GRM7: variants seen among roughly 807,000 people sequenced by gnomAD.
GRM7 encodes metabotropic glutamate receptor 7.
Under a neutral mutation model 84.5 loss-of-function variants are expected in GRM7, and 35 were observed. The observed-to-expected ratio is 0.41, with a 90% CI of 0.32 to 0.55. The LOEUF is 0.55. GRM7 is among the 20% of genes least tolerant of loss of function. The pLI is 0.19. For missense variants in GRM7, 1,003 were observed against 1,194.6 expected, an observed-to-expected ratio of 0.84 and a Z score of 2.36; for synonymous variants, 487 against 455.1, an observed-to-expected ratio of 1.07 and a Z score of -0.89.
At position 7,283,960 on chromosome 3, in the gene GRM7, A is replaced by G. The variant is rs549783023; in HGVS notation, c.737-14724A>G. On this transcript the variant is annotated intron_variant, in intron 2 of 9. Coordinates refer to ENST00000357716, the MANE Select transcript of GRM7 (RefSeq NM_000844.4). ...CCAATTCAGAAGATTAGGTGTTTTA[A>G]TTAAAAGTGCTGTCTATAACTTTGC... 2.0e-5 allele frequency among the ~76,000 whole-genome samples: 3 copies of G among 152,324 alleles called. No homozygotes were observed. In the South Asian group the frequency reaches 6.2e-4, roughly 32 times the overall value.
chr3:7,109,624 G>T (rs1403863325), intron 1 of GRM7, among the ~76,000 whole-genome samples: 1 of 151,992 alleles, frequency 6.6e-6, no homozygotes, highest in African/African-American at 2.4e-5. Context: ...CCATTGTTCC[G>T]GTCCAGCATG....
At chr3:7,652,279 T>C (rs73121874) in intron 8 of GRM7, among the ~76,000 whole-genome samples, 2,559 of 152,266 alleles carry the variant, frequency 0.017, 33 homozygotes, top group Middle Eastern at 0.037. Context: ...GGACATGTGG[T>C]CATTCTACTT....
At chr3:7,260,282 T>C (rs1304839240) in intron 2 of GRM7, among the ~76,000 whole-genome samples, 1 of 152,182 alleles carries the variant, frequency 6.6e-6, no homozygotes, top group Admixed American at 6.5e-5. Context: ...AGAAGTTATT[T>C]CATTTAATTA....
chr3:7,090,309 T>C (rs1305319140), intron 1 of GRM7, among the ~76,000 whole-genome samples: 6 of 151,932 alleles, frequency 3.9e-5, no homozygotes, highest in Non-Finnish European at 5.9e-5. Context: ...GTGTGAAAAA[T>C]ATGAACTGAG....
chr3:6,932,978 C>T lies in GRM7; in HGVS notation c.519+71071C>T, dbSNP rs181765762. On this transcript the variant is annotated intron_variant, in intron 1 of 9. Transcript: ENST00000357716. Reference sequence around the variant, plus strand: ...CCATGTTGGCCAAGCTGGTCTCAGACTCCTGACCTCAGGTGATCCACCTGC... The same window carrying T: ...CCATGTTGGCCAAGCTGGTCTCAGATTCCTGACCTCAGGTGATCCACCTGC... Among the ~76,000 whole-genome samples, 40 of 152,136 alleles carry T rather than the reference C, an allele frequency of 2.6e-4. No homozygotes were observed. The East Asian group carries it at 6.0e-3, about 23-fold the overall frequency.
chr3:7,600,089 C>A (rs1405807452), intron 8 of GRM7, among the ~76,000 whole-genome samples: 1 of 152,098 alleles, frequency 6.6e-6, no homozygotes, highest in Non-Finnish European at 1.5e-5. Flanking sequence ...TTGCTATCTG[C>A]AGGATAGGCA....
At chr3:7,565,342 C>T (rs888560158) in intron 7 of GRM7, among the ~76,000 whole-genome samples, 1 of 152,144 alleles carries the variant, frequency 6.6e-6, no homozygotes, top group African/African-American at 2.4e-5. Flanking sequence ...GCTGTGCTCT[C>T]ATGAAGCATA....
intron 2 of GRM7, among the ~76,000 whole-genome samples, chr3:7,233,879 G>C (rs1300154698): frequency 6.6e-6 from 1 of 152,100 alleles, no homozygotes; most frequent in African/African-American, 2.4e-5. Context: ...CTAATCTAAA[G>C]CACTATTTCA....
At chr3:7,354,514 T>C (rs1407591465) in intron 4 of GRM7, among the ~76,000 whole-genome samples, 1 of 152,128 alleles carries the variant, frequency 6.6e-6, no homozygotes, top group East Asian at 1.9e-4. Context: ...TGGAAGCCAT[T>C]AGAGCTGCTT....
intron 1 of GRM7, among the ~76,000 whole-genome samples, chr3:6,980,168 G>A (rs889324908): frequency 6.6e-5 from 10 of 151,822 alleles, no homozygotes; most frequent in African/African-American, 2.4e-4. Context: ...TCTTTCTTGA[G>A]TTCTAATGAA....
chr3:7,166,491 C>G (rs1553625793), intron 2 of GRM7, among the ~76,000 whole-genome samples: 1 of 152,164 alleles, frequency 6.6e-6, no homozygotes. Flanking sequence ...CGTGAACCCT[C>G]CCTTACCCTT....
chr3:7,337,789 A>T (rs1701478699), intron 4 of GRM7, among the ~76,000 whole-genome samples: 1 of 152,030 alleles, frequency 6.6e-6, no homozygotes, highest in Admixed American at 6.6e-5. Context: ...AAAAGGGAAC[A>T]CTTATACATT....
chr3:7,357,547 T>C (rs1477034174), intron 4 of GRM7, among the ~76,000 whole-genome samples: 2 of 152,096 alleles, frequency 1.3e-5, no homozygotes, highest in Admixed American at 6.6e-5. Context: ...AAGTAAAAGA[T>C]ACCCTGTAAA....
At chr3:7,320,694 G>A (rs1157570575) in intron 4 of GRM7, among the ~76,000 whole-genome samples, 5 of 149,812 alleles carry the variant, frequency 3.3e-5, no homozygotes, top group African/African-American at 1.3e-4. Context: ...GTGTGTGTGT[G>A]TGTGTGTGTG....
At chr3:7,350,644 A>G (rs1218778884) in intron 4 of GRM7, among the ~76,000 whole-genome samples, 1 of 152,130 alleles carries the variant, frequency 6.6e-6, no homozygotes, top group Non-Finnish European at 1.5e-5. Context: ...TAATGCACTA[A>G]TACTTATAAA....
Position 7,680,136 on chromosome 3 carries a change from AT to A in GRM7, c.2540del (p.Ile847ThrfsTer20). 6.2e-7 allele frequency: 1 copy of A among 1,614,146 alleles called. No homozygotes were observed. On this transcript the variant is annotated frameshift_variant, in exon 9 of 10. Coordinates refer to ENST00000357716, the MANE Select transcript of GRM7 (RefSeq NM_000844.4). LOFTEE classifies it high-confidence loss of function. Reference sequence around the variant, plus strand: ...GATGCTATACATGCCGAAAGTGTACATCATCATTTTCCACCCTGAACTCAAT... The same window carrying A: ...GATGCTATACATGCCGAAAGTGTACACATCATTTTCCACCCTGAACTCAAT... Reference protein sequence around the residue: ...LGMLYMPKVYIIIFHPELNVQ... With the variant: ...LGMLYMPKVYXIIFHPELNVQ...
intron 2 of GRM7, among the ~76,000 whole-genome samples, chr3:7,172,129 G>T (rs1695003698): frequency 6.6e-6 from 1 of 152,132 alleles, no homozygotes; most frequent in South Asian, 2.1e-4. Context: ...TACAGTGTCA[G>T]TAAGATATGA....
intron 1 of GRM7, among the ~76,000 whole-genome samples, chr3:7,085,112 G>A (rs2125001836): frequency 6.6e-6 from 1 of 152,234 alleles, no homozygotes; most frequent in East Asian, 1.9e-4. Context: ...CATTTTAATG[G>A]CAGTGGTACC....
Position 7,042,021 on chromosome 3 carries a change from T to G in GRM7, c.520-104431T>G, listed in dbSNP as rs780593262. 2.5e-4 allele frequency among the ~76,000 whole-genome samples: 38 copies of G among 152,290 alleles called. No individual in the cohort carries two copies. In the Middle Eastern group the frequency reaches 0.01, roughly 41 times the overall value. On this transcript the variant is annotated intron_variant, in intron 1 of 9. Coordinates refer to ENST00000357716, the MANE Select transcript of GRM7 (RefSeq NM_000844.4). Reference sequence around the variant, plus strand: ...ACATGGAGTCTCCTGAAGGGTGGTATGCCTGGAAAGAACATGGAAGCTTCC... The same window carrying G: ...ACATGGAGTCTCCTGAAGGGTGGTAGGCCTGGAAAGAACATGGAAGCTTCC...
Sources: allele counts gnomAD v4.1 joint callset (sites outside exome capture counted in the v4.1 genomes callset), GRCh38; gene constraint gnomAD v4.1.1; transcripts MANE v1.5; gene names NCBI Gene and HGNC (gene_info 2026-07-23, HGNC 2026-07-21).